The following FBXL2 variants were observed in gnomAD, a reference collection of about 807,000 sequenced individuals.
FBXL2 encodes F-box/LRR-repeat protein 2.
A neutral mutation model predicts 69.2 loss-of-function variants in FBXL2; 38 were observed. That is an observed-to-expected ratio of 0.55 (90% CI 0.42 to 0.72). The LOEUF is 0.72. Among genes scored for constraint, FBXL2 ranks in the 30% least tolerant of loss-of-function variants. FBXL2 has a pLI of 0.00. For synonymous variants in FBXL2, 192 were observed against 201.3 expected (o/e 0.95, Z 0.39); for missense variants, 354 against 520.3 (o/e 0.68, Z 3.11).
downstream of FBXL2, among the ~76,000 whole-genome samples, chr3:33,404,514 G>A (rs1477121199): frequency 6.6e-6 from 1 of 151,702 alleles, no homozygotes; most frequent in Non-Finnish European, 1.5e-5. Flanking sequence ...AGGTATGGTG[G>A]AGCACACCTG....
intron 2 of FBXL2, among the ~76,000 whole-genome samples, chr3:33,307,271 A>G (rs929231949): frequency 1.4e-4 from 21 of 152,218 alleles, no homozygotes; most frequent in African/African-American, 5.1e-4. Flanking sequence ...ACAAAAATTT[A>G]TAACCCGAAT....
chr3:33,330,610 G>A (rs953127732), intron 2 of FBXL2, among the ~76,000 whole-genome samples: 7 of 151,910 alleles, frequency 4.6e-5, no homozygotes, highest in African/African-American at 7.3e-5. Flanking sequence ...GACATGTGGC[G>A]GGTGCAGTGG....
intron 10 of FBXL2, among the ~76,000 whole-genome samples, chr3:33,376,456 C>T (rs1388596831): frequency 6.6e-6 from 1 of 152,064 alleles, no homozygotes; most frequent in Non-Finnish European, 1.5e-5. Context: ...TTAGATATTT[C>T]TGCTTAGTAG....
At chr3:33,293,971 C>A (rs1379112181) in intron 1 of FBXL2, among the ~76,000 whole-genome samples, 1 of 151,998 alleles carries the variant, frequency 6.6e-6, no homozygotes, top group Admixed American at 6.6e-5. Flanking sequence ...ATATGTAAGA[C>A]CACAAAACAA....
At chr3:33,405,636 G>A (rs1464484629), downstream of FBXL2, among the ~76,000 whole-genome samples, 1 of 152,146 alleles carries the variant, frequency 6.6e-6, no homozygotes, top group Non-Finnish European at 1.5e-5. Context: ...GGATCAGCCT[G>A]AGGAACACAG....
chr3:33,410,458 C>T, the FBXL2 span, among the ~76,000 whole-genome samples: 66 of 152,182 alleles, frequency 4.3e-4, no homozygotes, highest in African/African-American at 1.9e-4. Context: ...CAATATTCAA[C>T]GGATATAAAC....
At chr3:33,297,782 C>A in intron 2 of FBXL2, 57 bp downstream of exon 2, 1 of 1,003,640 alleles carries the variant, frequency 1.0e-6, no homozygotes, top group South Asian at 1.4e-5. Context: ...CATCAAGTTC[C>A]AAGACTATCT....
At chr3:33,384,428 G>T (rs2043273653) in intron 14 of FBXL2, among the ~76,000 whole-genome samples, 1 of 152,152 alleles carries the variant, frequency 6.6e-6, no homozygotes, top group Non-Finnish European at 1.5e-5. Context: ...AGGTGTGGTG[G>T]TGGGCACCTG....
intron 2 of FBXL2, among the ~76,000 whole-genome samples, chr3:33,339,048 A>G (rs1057269085): frequency 6.6e-6 from 1 of 152,226 alleles, no homozygotes; most frequent in Non-Finnish European, 1.5e-5. Flanking sequence ...CCTAATATCC[A>G]GAACCTATAA....
chr3:33,403,510 ATCTG>A (rs869027625), exon 13 of FBXL2: 3 of 21,174 alleles, frequency 1.4e-4, no homozygotes, highest in Non-Finnish European at 6.7e-4. Context: ...CTATCTATCT[ATCTG>A]TCTGTCTGTC....
intron 13 of FBXL2, among the ~76,000 whole-genome samples, chr3:33,381,688 AC>A (rs1306072195): frequency 1.3e-5 from 2 of 152,016 alleles, no homozygotes; most frequent in African/African-American, 2.4e-5. Context: ...ACAGAGAGAC[AC>A]TTTTTTTCTC....
chr3:33,385,797 A>C lies in FBXL2; in HGVS notation c.*189A>C. ...TTCACCTTTATTCTGCTGTGAAACA[A>C]TCAAATCAAAGCCTTGTGTCAGTTA... On this transcript the variant is annotated 3_prime_UTR_variant, in exon 15 of 15. Coordinates refer to ENST00000484457, the MANE Select transcript of FBXL2 (RefSeq NM_012157.5). 2 of 595,314 alleles carry C rather than the reference A, an allele frequency of 3.4e-6. No homozygotes were observed. The highest frequency in any genetic ancestry group is 6.0e-6 in the Non-Finnish European group (2 of 333,586). The allele number at this position is 595,314 out of a possible 1,614,324, so 36.9% of individuals were successfully genotyped here.
the FBXL2 span, among the ~76,000 whole-genome samples, chr3:33,408,975 A>C: frequency 2.6e-5 from 4 of 152,232 alleles, no homozygotes; most frequent in Admixed American, 1.3e-4. Context: ...CTCCAACTTA[A>C]GTCTCTTGCC....
rs778550313 is a variant in FBXL2, at chr3:33,400,975, T to A, written n.1215-2259T>A. The A allele has an allele frequency of 1.2e-5, 19 of 1,595,902 alleles. No individual in the cohort carries two copies. The African/African-American group carries it at 1.9e-4, about 16-fold the overall frequency. On this transcript the variant is annotated intron_variant and non_coding_transcript_variant, in intron 12 of 12. Transcript: ENST00000463736. ...AAAGATACTTACTTCACCAGAGGTC[T>A]GTGAAGCTCCATCTCCCTGATGATT...
At chr3:33,404,999 T>G (rs4678957), downstream of FBXL2, among the ~76,000 whole-genome samples, 1 of 152,030 alleles carries the variant, frequency 6.6e-6, no homozygotes, top group African/African-American at 2.4e-5. Flanking sequence ...GGATTTGTTG[T>G]TTTGATAAAT....
At chr3:33,373,985 A>G in intron 9 of FBXL2, 64 bp downstream of exon 9, 1 of 1,521,910 alleles carries the variant, frequency 6.6e-7, no homozygotes, top group Non-Finnish European at 9.1e-7. Flanking sequence ...AGTCTGCCTC[A>G]GGCCTCCCTG....
chr3:33,379,698 C>CA (rs200352958), intron 13 of FBXL2, among the ~76,000 whole-genome samples: 2,608 of 144,076 alleles, frequency 0.018, 33 homozygotes, highest in South Asian at 0.029. Context: ...AAAACAAAAA[C>CA]AAAAAAAAAC....
chr3:33,377,120 G>A (rs897086267), intron 10 of FBXL2, among the ~76,000 whole-genome samples, 153 bp from the exon 11 acceptor site: 3 of 152,152 alleles, frequency 2.0e-5, no homozygotes, highest in Non-Finnish European at 2.9e-5. Flanking sequence ...ATGGAACTTC[G>A]GGGCTTTGGG....
chr3:33,299,952 G>A (rs1467500713), intron 2 of FBXL2, among the ~76,000 whole-genome samples: 1 of 152,138 alleles, frequency 6.6e-6, no homozygotes, highest in African/African-American at 2.4e-5. Flanking sequence ...ACAACTGCAC[G>A]GATGCCATCC....
Sources: gnomAD v4.1 joint callset for allele counts (sites outside exome capture counted in the v4.1 genomes callset) on GRCh38, gnomAD v4.1.1 for gene constraint, MANE v1.5 for transcripts, NCBI Gene and HGNC (gene_info 2026-07-23, HGNC 2026-07-21) for gene names.